LRP6: variants seen among roughly 807,000 people sequenced by gnomAD.
LRP6 encodes the protein LDL receptor related protein 6.
A neutral mutation model predicts 184.1 loss-of-function variants in LRP6; 43 were observed. That is an observed-to-expected ratio of 0.23 (90% CI 0.18 to 0.30). LRP6 has a LOEUF of 0.30. Ranked by LOEUF, LRP6 falls within the 10% of genes least tolerant of loss-of-function variation. LRP6 has a pLI of 1.00. For synonymous variants in LRP6, 719 were observed against 684.9 expected, an observed-to-expected ratio of 1.05 and a Z score of -0.78; for missense variants, 1,571 against 2,005.3, an observed-to-expected ratio of 0.78 and a Z score of 4.14.
chr12:12,249,073 A>C, intron 1 of LRP6: 1 of 697,780 alleles, frequency 1.4e-6, no homozygotes, highest in Non-Finnish European at 2.6e-6. Flanking sequence ...AGAAAGGAGT[A>C]GGAGATGGCA....
chr12:12,118,363 A>T lies in LRP6; in HGVS notation c.*2763T>A, dbSNP rs1400083619. ...CAGAATAGCTTACTGTGGTGCACAC[A>T]AAGTATGTTATGCTCAAGTTTATTT... On this transcript the variant is annotated 3_prime_UTR_variant, in exon 23 of 23. Coordinates refer to ENST00000261349, the MANE Select transcript of LRP6 (RefSeq NM_002336.3). 6.6e-6 allele frequency: 1 copy of T among 152,250 alleles called. No homozygotes were observed. Among genetic ancestry groups the T allele is most frequent in the Admixed American group, 6.5e-5 (1 of 15,284 alleles). 9.4% of individuals were successfully genotyped at this position (152,250 alleles called of 1,614,324 possible).
chr12:12,215,868 CA>C (rs1300890182), intron 2 of LRP6, among the ~76,000 whole-genome samples: 2 of 151,568 alleles, frequency 1.3e-5, no homozygotes, highest in Non-Finnish European at 1.5e-5. Flanking sequence ...AAAAATTAGC[CA>C]GGCATGGTGG....
At chr12:12,176,845 T>C (rs1235644367) in intron 7 of LRP6, among the ~76,000 whole-genome samples, 6 of 5,800 alleles carry the variant, frequency 1.0e-3, no homozygotes, top group Admixed American at 6.8e-3. Context: ...AGCCCAAACT[T>C]TTTTTTTTTT....
At chr12:12,244,767 GAAT>G in intron 1 of LRP6, 112 bp from the exon 2 acceptor site, 1 of 965,450 alleles carries the variant, frequency 1.0e-6, no homozygotes, top group Non-Finnish European at 1.5e-6. Flanking sequence ...AATAAGAAAA[GAAT>G]AAATAAATCA....
chr12:12,131,104 T>A (rs1949748740), intron 18 of LRP6, among the ~76,000 whole-genome samples: 2 of 134,860 alleles, frequency 1.5e-5, no homozygotes, highest in South Asian at 5.3e-4. Flanking sequence ...AACATTTTTT[T>A]TTTTTTTTTT....
chr12:12,132,014 C>T lies in LRP6; in HGVS notation c.3777G>A (p.Gly1259=). ...AAGCCACAGGGATACAGTCAATTTC[C>T]CCCGTGAAACAAGTAAACTGCTGAG... ...CSPQQFTCFT[G]EIDCIPVAWR... is the part of the protein sequence containing the mutation. Residue 1259 remains glycine (G), a synonymous_variant, in exon 18 of 23, where the codon GGG becomes GGA. Transcript: ENST00000261349. 6.2e-7 allele frequency: 1 copy of T among 1,614,084 alleles called. No individual in the cohort carries two copies. The highest frequency in any genetic ancestry group is 1.3e-5 in the African/African-American group (1 of 74,990).
intron 17 of LRP6, among the ~76,000 whole-genome samples, chr12:12,134,854 T>G (rs1949810789): frequency 6.6e-6 from 1 of 152,194 alleles, no homozygotes; most frequent in Admixed American, 6.5e-5. Flanking sequence ...TAGGAAATCC[T>G]GTCATTTGCA....
intron 15 of LRP6, among the ~76,000 whole-genome samples, chr12:12,142,156 G>T (rs1365385107): frequency 6.6e-6 from 1 of 152,256 alleles, no homozygotes; most frequent in South Asian, 2.1e-4. Flanking sequence ...AGAGCAGTAG[G>T]CTTGTTTTTT....
rs1254036205 is a variant in LRP6, at chr12:12,120,451, G to A, written c.*675C>T. ...ACAGAGGTATGGATTCTAAAGGTAG[G>A]GACAGAGACTTGCACACACACACAG... is the stretch of plus-strand genomic sequence containing the variant. On this transcript the variant is annotated 3_prime_UTR_variant, in exon 23 of 23. Coordinates refer to ENST00000261349, the MANE Select transcript of LRP6 (RefSeq NM_002336.3). 7 of 152,128 alleles carry A rather than the reference G, an allele frequency of 4.6e-5. No homozygotes were observed. Among genetic ancestry groups the A allele is most frequent in the Non-Finnish European group, 1.0e-4 (7 of 68,006 alleles). 9.4% of individuals were successfully genotyped at this position (152,128 alleles called of 1,614,324 possible). A position where few individuals can be genotyped will look rare whatever the true frequency, so the allele number is the denominator to read the frequency against.
At chr12:12,196,446 A>C (rs955133573) in intron 3 of LRP6, among the ~76,000 whole-genome samples, 2 of 151,676 alleles carry the variant, frequency 1.3e-5, no homozygotes, top group Non-Finnish European at 2.9e-5. Flanking sequence ...TATTTTATTA[A>C]TTTCTTATAG....
At chr12:12,131,703 G>A in intron 18 of LRP6, 118 bp downstream of exon 18, 1 of 810,442 alleles carries the variant, frequency 1.2e-6, no homozygotes, top group South Asian at 1.3e-5. Flanking sequence ...GATCAGAAGT[G>A]ATACAGTCAT....
chr12:12,236,650 G>T (rs74061143), intron 2 of LRP6, among the ~76,000 whole-genome samples: 1 of 152,134 alleles, frequency 6.6e-6, no homozygotes, highest in African/African-American at 2.4e-5. Flanking sequence ...TGACTGGCCA[G>T]CTATAAACTG....
intron 12 of LRP6, among the ~76,000 whole-genome samples, chr12:12,156,326 G>A (rs1479987258): frequency 6.6e-6 from 1 of 152,190 alleles, no homozygotes; most frequent in Non-Finnish European, 1.5e-5. Flanking sequence ...TGAAGCGGGA[G>A]TACCCGGCCT....
intron 7 of LRP6, among the ~76,000 whole-genome samples, chr12:12,169,050 G>C (rs2136960285): frequency 6.6e-6 from 1 of 152,132 alleles, no homozygotes; most frequent in East Asian, 1.9e-4. Flanking sequence ...CAAACATGGT[G>C]AAACCCTGTC....
intron 2 of LRP6, among the ~76,000 whole-genome samples, chr12:12,216,103 G>C (rs1864336504): frequency 6.6e-6 from 1 of 152,104 alleles, no homozygotes; most frequent in African/African-American, 2.4e-5. Flanking sequence ...AGCGGTTATG[G>C]TCTTCTATAC....
intron 1 of LRP6, among the ~76,000 whole-genome samples, chr12:12,247,248 T>C (rs1865210945): frequency 1.3e-5 from 2 of 152,188 alleles, no homozygotes; most frequent in Non-Finnish European, 2.9e-5. Context: ...ACACTTAAAA[T>C]TGAAAATTCA....
chr12:12,131,550 G>C (rs1240940855), intron 18 of LRP6, among the ~76,000 whole-genome samples: 1 of 152,138 alleles, frequency 6.6e-6, no homozygotes, highest in Non-Finnish European at 1.5e-5. Context: ...CTAATTCAGA[G>C]CTCATTGGAA....
In LRP6 at chr12:12,120,040, T is replaced by TAA. The variant is rs1440007865; in HGVS notation, c.*1085_*1086insTT. Reference sequence around the variant, plus strand: ...ATATATATATATATATATATATATATATAAATGATTTCGTACTGTGATATA... The same window carrying TAA: ...ATATATATATATATATATATATATATAAATAAATGATTTCGTACTGTGATATA... On this transcript the variant is annotated 3_prime_UTR_variant, in exon 23 of 23. Coordinates refer to ENST00000261349, the MANE Select transcript of LRP6 (RefSeq NM_002336.3). 2 of 113,624 alleles carry TAA rather than the reference T, an allele frequency of 1.8e-5. No homozygotes were observed. Among genetic ancestry groups the TAA allele is most frequent in the African/African-American group, 3.4e-5 (1 of 29,332 alleles). The allele number at this position is 113,624 out of a possible 1,614,324, so 7.0% of individuals were successfully genotyped here.
At position 12,245,996 on chromosome 12, in the gene LRP6, C is replaced by CTTTT. The variant is rs71061029; in HGVS notation, c.56-1345_56-1342dup. Among the ~76,000 whole-genome samples the CTTTT allele has an allele frequency of 2.5e-3, 226 of 90,148 alleles. 1 individual carries two copies. The highest frequency in any genetic ancestry group is 3.2e-3 in the Non-Finnish European group (151 of 47,816). The allele number at this position is 90,148 out of a possible 152,430, so 59.1% of individuals were successfully genotyped here. The stretch of plus-strand genomic sequence containing the variant: ...AATTAAATTTTTAATTTTATATAAA[C>CTTTT]TTTTTTTTTTTTTTTTTTTTTTTGA... On this transcript the variant is annotated intron_variant, in intron 1 of 22. Coordinates refer to ENST00000261349, the MANE Select transcript of LRP6 (RefSeq NM_002336.3).
Sources: allele counts gnomAD v4.1 joint callset (sites outside exome capture counted in the v4.1 genomes callset), GRCh38; gene constraint gnomAD v4.1.1; transcripts MANE v1.5; gene names NCBI Gene and HGNC (gene_info 2026-07-23, HGNC 2026-07-21).